LEPR: variants seen among roughly 807,000 people sequenced by gnomAD.
LEPR encodes OB receptor.
A neutral mutation model predicts 114.7 loss-of-function variants in LEPR; 56 were observed. That is an observed-to-expected ratio of 0.49 (90% CI 0.39 to 0.61). The LOEUF is 0.61. Ranked by LOEUF, LEPR falls within the 20% of genes least tolerant of loss-of-function variation. The pLI, the probability that LEPR is intolerant of heterozygous loss-of-function variation, is 0.00. For synonymous variants in LEPR, 443 were observed against 461.4 expected (o/e 0.96, Z 0.51); for missense variants, 1,202 against 1,352.9 (o/e 0.89, Z 1.75).
chr1:65,488,794 C>T lies in LEPR; in HGVS notation c.-21+63416C>T, dbSNP rs367688953. On this transcript the variant is annotated intron_variant, in intron 2 of 19. Coordinates refer to ENST00000349533, the MANE Select transcript of LEPR (RefSeq NM_002303.6). ...GCTATCCTTCCCAGCCTCTGCTAAT[C>T]ATCCTTCTACTCTCTATCTCAATGG... Among the ~76,000 whole-genome samples the T allele has an allele frequency of 4.1e-4, 63 of 152,002 alleles. 1 individual carries two copies. Among genetic ancestry groups the T allele is most frequent in the African/African-American group, 1.1e-3 (44 of 41,498 alleles).
At chr1:65,578,630 T>C (rs1247123487) in intron 5 of LEPR, among the ~76,000 whole-genome samples, 2 of 152,216 alleles carry the variant, frequency 1.3e-5, no homozygotes, top group African/African-American at 2.4e-5. Flanking sequence ...AGTATTGCTC[T>C]CTGGGCAGTA....
At chr1:65,591,090 A>G (rs534318005) in intron 5 of LEPR, among the ~76,000 whole-genome samples, 21 of 151,924 alleles carry the variant, frequency 1.4e-4, no homozygotes, top group Non-Finnish European at 2.8e-4. Context: ...TTTTTTTGAT[A>G]TGTTTTTTGA....
intron 2 of LEPR, among the ~76,000 whole-genome samples, chr1:65,548,991 C>T (rs1455842054): frequency 7.6e-4 from 115 of 152,132 alleles, no homozygotes; most frequent in African/African-American, 2.4e-3. Flanking sequence ...GGAGCTCTTT[C>T]AGGGCAGGCC....
intron 5 of LEPR, among the ~76,000 whole-genome samples, chr1:65,588,251 A>G (rs917946504): frequency 6.6e-6 from 1 of 151,994 alleles, no homozygotes; most frequent in African/African-American, 2.4e-5. Flanking sequence ...TCTTGGTTGC[A>G]TGCTATTATT....
chr1:65,489,791 C>A (rs1034242712), intron 2 of LEPR, among the ~76,000 whole-genome samples: 4 of 152,142 alleles, frequency 2.6e-5, no homozygotes, highest in African/African-American at 2.4e-5. Context: ...TTTAAACACT[C>A]ATTTTCAAGC....
intron 3 of LEPR, among the ~76,000 whole-genome samples, chr1:65,569,810 A>T (rs756869686): frequency 2.6e-5 from 4 of 151,394 alleles, no homozygotes; most frequent in Non-Finnish European, 5.9e-5. Flanking sequence ...TTAAACAGTG[A>T]TAATTTAATC....
chr1:65,430,062 T>C, intron 2 of LEPR: 11 of 1,548,274 alleles, frequency 7.1e-6, no homozygotes, highest in Non-Finnish European at 9.7e-6. Flanking sequence ...AGTTTTATTT[T>C]CTATTGTTTT....
At position 65,577,971 on chromosome 1, in the gene LEPR, C is replaced by G. The variant is rs548058563; in HGVS notation, c.494+5522C>G. Among the ~76,000 whole-genome samples, 24 of 151,248 alleles carry G rather than the reference C, an allele frequency of 1.6e-4. 1 individual carries two copies. The highest frequency in any genetic ancestry group is 2.6e-4 in the Admixed American group (4 of 15,262). ...CTATCCCTCCTCTAGCCTCCCACCC[C>G]CCTACAGGCCCCAGTGTGTGATGTT... On this transcript the variant is annotated intron_variant, in intron 5 of 19. Transcript: ENST00000349533.
intron 2 of LEPR, among the ~76,000 whole-genome samples, chr1:65,484,939 G>T (rs570971620): frequency 6.6e-6 from 1 of 152,178 alleles, no homozygotes; most frequent in Non-Finnish European, 1.5e-5. Flanking sequence ...AAGGAAATCT[G>T]CTATCTGGTC....
At chr1:65,630,075 G>T (rs1457780876) in intron 19 of LEPR, 2 of 158,210 alleles carry the variant, frequency 1.3e-5, no homozygotes, top group Non-Finnish European at 2.8e-5. Context: ...CTTAGAAATA[G>T]CCTTTCCAAG....
At position 65,641,385 on chromosome 1, in the gene LEPR, T is replaced by C. The variant is rs927769468; in HGVS notation, c.*4370T>C. On this transcript the variant is annotated 3_prime_UTR_variant, in exon 20 of 20. Transcript: ENST00000349533. ...TCACAACTGGTATTTTAATAAATGT[T>C]ATAAACGTAAGTGCCAAGATATGCA... is the stretch of plus-strand genomic sequence containing the variant. 3 of 152,256 alleles carry C rather than the reference T, an allele frequency of 2.0e-5. No individual in the cohort carries two copies. The highest frequency in any genetic ancestry group is 7.2e-5 in the African/African-American group (3 of 41,478). 9.4% of individuals were successfully genotyped at this position (152,256 alleles called of 1,614,324 possible).
At chr1:65,627,582 A>G (rs1486205887) in intron 19 of LEPR, among the ~76,000 whole-genome samples, 1 of 152,208 alleles carries the variant, frequency 6.6e-6, no homozygotes, top group Non-Finnish European at 1.5e-5. Flanking sequence ...GAATTATTAT[A>G]TGATCCAGTA....
At chr1:65,450,136 C>G (rs1209992408) in intron 2 of LEPR, among the ~76,000 whole-genome samples, 1 of 152,042 alleles carries the variant, frequency 6.6e-6, no homozygotes, top group East Asian at 1.9e-4. Context: ...TTTAAATTTG[C>G]TAAGGTGTGT....
chr1:65,641,557 G>T lies in LEPR; in HGVS notation c.*4542G>T, dbSNP rs1385090087. On this transcript the variant is annotated 3_prime_UTR_variant, in exon 20 of 20. Transcript: ENST00000349533. Reference sequence around the variant, plus strand: ...ATTTTGAGAAATAAAAGTCCAAAAAGAATTATTATGAGTTTAAGTTACTTT... The same window carrying T: ...ATTTTGAGAAATAAAAGTCCAAAAATAATTATTATGAGTTTAAGTTACTTT... 2 of 152,116 alleles carry T rather than the reference G, an allele frequency of 1.3e-5. No individual in the cohort carries two copies. Among genetic ancestry groups the T allele is most frequent in the Non-Finnish European group, 2.9e-5 (2 of 68,012 alleles). 9.4% of individuals were successfully genotyped at this position (152,116 alleles called of 1,614,324 possible).
Position 65,571,419 on chromosome 1 carries a change from G to A in LEPR, c.370+617G>A, listed in dbSNP as rs144342073. Among the ~76,000 whole-genome samples the A allele has an allele frequency of 2.3e-4, 35 of 152,056 alleles. No individual in the cohort carries two copies. The East Asian group carries it at 5.0e-3, about 22-fold the overall frequency. ...GTATAATGCATACTGATTGTAGCTA[G>A]TGTAGTTAAAAATTCTGCATCTGGA... On this transcript the variant is annotated intron_variant, in intron 4 of 19. Coordinates refer to ENST00000349533, the MANE Select transcript of LEPR (RefSeq NM_002303.6).
intron 2 of LEPR, chr1:65,434,702 A>T (rs1343446455): frequency 2.0e-6 from 2 of 985,082 alleles, no homozygotes. Context: ...TTTTCCACTC[A>T]TTTTCACCTC....
intron 2 of LEPR, among the ~76,000 whole-genome samples, chr1:65,522,044 A>G (rs1341355743): frequency 3.3e-5 from 5 of 152,196 alleles, no homozygotes; most frequent in Admixed American, 3.3e-4. Context: ...TCTGTGTGGT[A>G]ATTAGACATA....
At chr1:65,448,862 G>A (rs1253612511) in intron 2 of LEPR, among the ~76,000 whole-genome samples, 4 of 152,154 alleles carry the variant, frequency 2.6e-5, no homozygotes, top group African/African-American at 7.2e-5. Context: ...CGTGGGATCT[G>A]TAATGATGTT....
chr1:65,549,840 G>C (rs1196052916), intron 2 of LEPR, among the ~76,000 whole-genome samples: 1 of 152,190 alleles, frequency 6.6e-6, no homozygotes, highest in Admixed American at 6.5e-5. Context: ...ATCCAGCTTT[G>C]TTCTGTTGCT....
Sources: allele counts gnomAD v4.1 joint callset (sites outside exome capture counted in the v4.1 genomes callset), GRCh38; gene constraint gnomAD v4.1.1; transcripts MANE v1.5; gene names NCBI Gene and HGNC (gene_info 2026-07-23, HGNC 2026-07-21).